The following RARB variants were observed in gnomAD, a reference collection of about 807,000 sequenced individuals.
RARB encodes the protein HBV-activated protein.
Under a neutral mutation model 51.9 loss-of-function variants are expected in RARB, and 17 were observed. The observed-to-expected ratio is 0.33, with a 90% confidence interval of 0.22 to 0.49. The LOEUF (loss-of-function observed/expected upper bound fraction) is 0.49, where lower values mean the gene tolerates loss of function less well. Among genes scored for constraint, RARB ranks in the 20% least tolerant of loss-of-function variants. The pLI is 0.99. For missense variants in RARB, 369 were observed against 550.8 expected (o/e 0.67, Z 3.30); for synonymous variants, 215 against 195.4 (o/e 1.10, Z -0.84).
intron 5 of RARB, among the ~76,000 whole-genome samples, chr3:25,264,007 CA>C (rs1703067140): frequency 6.6e-6 from 1 of 152,050 alleles, no homozygotes; most frequent in South Asian, 2.1e-4. Context: ...TGCACAATGG[CA>C]ACAGAATTCA....
chr3:25,210,529 C>CT (rs773846113), intron 5 of RARB, among the ~76,000 whole-genome samples: 292 of 27,626 alleles, frequency 0.011, 13 homozygotes, highest in South Asian at 0.046. Context: ...TTATCTGATT[C>CT]TTTTTTTTTT....
At position 25,331,877 on chromosome 3, in the gene RARB, T is replaced by C. The variant is rs536761372; in HGVS notation, c.179-129316T>C. 4.0e-3 allele frequency among the ~76,000 whole-genome samples: 615 copies of C among 152,168 alleles called. 3 individuals carry two copies. The highest frequency in any genetic ancestry group is 0.014 in the African/African-American group (586 of 41,510). On this transcript the variant is annotated intron_variant, in intron 5 of 11. Transcript: ENST00000383772. ...GATCCCACAGAAATACAAACTACCA[T>C]CAGAGAATACTATTAACACCTCTAT...
chr3:24,876,657 C>A (rs184181643), intron 2 of RARB, among the ~76,000 whole-genome samples: 246 of 152,218 alleles, frequency 1.6e-3, no homozygotes, highest in African/African-American at 5.9e-3. Flanking sequence ...ATAAACCAGT[C>A]TGTCTTCTAA....
intron 4 of RARB, among the ~76,000 whole-genome samples, chr3:25,576,702 C>T (rs1390754623): frequency 6.6e-6 from 1 of 152,192 alleles, no homozygotes; most frequent in Non-Finnish European, 1.5e-5. Context: ...CCTGCCCTCT[C>T]CCATTGCCCT....
intron 2 of RARB, among the ~76,000 whole-genome samples, chr3:25,037,319 GTTC>G (rs1298207395): frequency 6.7e-6 from 1 of 149,734 alleles, no homozygotes; most frequent in Non-Finnish European, 1.5e-5. Flanking sequence ...TTTAGTCGCT[GTTC>G]TTCTTAATGT....
chr3:24,910,775 G>A (rs1694974958), intron 2 of RARB, among the ~76,000 whole-genome samples: 1 of 152,154 alleles, frequency 6.6e-6, no homozygotes, highest in South Asian at 2.1e-4. Context: ...GGAGAATTAT[G>A]AGGGAGGATT....
chr3:25,367,345 C>T (rs769499398), intron 5 of RARB, among the ~76,000 whole-genome samples: 1 of 152,116 alleles, frequency 6.6e-6, no homozygotes. Flanking sequence ...TTGTTCTTGT[C>T]AGGAACTCCT....
At chr3:25,162,651 A>C (rs559688920) in intron 4 of RARB, among the ~76,000 whole-genome samples, 1 of 152,182 alleles carries the variant, frequency 6.6e-6, no homozygotes, top group Non-Finnish European at 1.5e-5. Flanking sequence ...TATTTTAGAC[A>C]TTTCATATAA....
chr3:25,351,538 A>C (rs1705570658), intron 5 of RARB, among the ~76,000 whole-genome samples: 1 of 152,004 alleles, frequency 6.6e-6, no homozygotes, highest in African/African-American at 2.4e-5. Flanking sequence ...TCATTTATGG[A>C]GTCTTTATCT....
intron 5 of RARB, among the ~76,000 whole-genome samples, chr3:25,417,586 C>T (rs933929433): frequency 2.6e-5 from 4 of 152,318 alleles, no homozygotes; most frequent in African/African-American, 9.6e-5. Context: ...ATGTGCCTTT[C>T]ACCTTCCACC....
intron 2 of RARB, among the ~76,000 whole-genome samples, chr3:25,462,954 A>G (rs1396376602): frequency 6.6e-6 from 1 of 152,216 alleles, no homozygotes; most frequent in Admixed American, 6.5e-5. Context: ...AGCAAGTTAT[A>G]AGGTCAGCCT....
chr3:25,281,117 A>G (rs1337734498), intron 5 of RARB, among the ~76,000 whole-genome samples: 3 of 152,228 alleles, frequency 2.0e-5, no homozygotes, highest in African/African-American at 7.2e-5. Context: ...TAAAGAGATT[A>G]TAAATCCACT....
chr3:25,230,392 T>G (rs931376959), intron 5 of RARB, among the ~76,000 whole-genome samples: 3 of 152,040 alleles, frequency 2.0e-5, no homozygotes, highest in African/African-American at 7.3e-5. Flanking sequence ...CACTTCCCTT[T>G]TCTCCCACTC....
chr3:24,946,784 G>T (rs1211878786), intron 2 of RARB, among the ~76,000 whole-genome samples: 1 of 152,098 alleles, frequency 6.6e-6, no homozygotes, highest in Non-Finnish European at 1.5e-5. Flanking sequence ...AAGATCATTT[G>T]AACCGGGAGG....
At chr3:24,946,944 T>C (rs1695788369) in intron 2 of RARB, among the ~76,000 whole-genome samples, 1 of 152,166 alleles carries the variant, frequency 6.6e-6, no homozygotes, top group African/African-American at 2.4e-5. Context: ...TCAGCATGCA[T>C]AAACCTAATT....
chr3:25,402,963 G>A (rs1261639331), intron 5 of RARB, among the ~76,000 whole-genome samples: 1 of 152,122 alleles, frequency 6.6e-6, no homozygotes, highest in Non-Finnish European at 1.5e-5. Context: ...AGGAGTTCGA[G>A]ACCAGCCTGG....
At chr3:24,903,674 G>C (rs1694779229) in intron 2 of RARB, among the ~76,000 whole-genome samples, 1 of 152,064 alleles carries the variant, frequency 6.6e-6, no homozygotes. Flanking sequence ...GGTGTCTTTA[G>C]GGCTTTAAGA....
At chr3:25,231,295 C>T (rs1053730874) in intron 5 of RARB, among the ~76,000 whole-genome samples, 4 of 152,142 alleles carry the variant, frequency 2.6e-5, no homozygotes, top group Admixed American at 6.5e-5. Flanking sequence ...GAAATAGAAG[C>T]GTTTACACCT....
rs140415457 is a variant in RARB, at chr3:24,910,040, A to G, written c.-380+51288A>G. 1.1e-4 allele frequency among the ~76,000 whole-genome samples: 16 copies of G among 152,312 alleles called. No individual in the cohort carries two copies. The East Asian group carries it at 2.9e-3, about 28-fold the overall frequency. On this transcript the variant is annotated intron_variant, in intron 2 of 11. Coordinates refer to the RARB transcript ENST00000383772. ...ATTGAAAAGCTCCTACATACTAGGT[A>G]TGTTACCATTTTATTTAATTCTCAT...
Sources: allele counts gnomAD v4.1 joint callset (sites outside exome capture counted in the v4.1 genomes callset), GRCh38; gene constraint gnomAD v4.1.1; transcripts MANE v1.5; gene names NCBI Gene and HGNC (gene_info 2026-07-23, HGNC 2026-07-21).